The following ARHGAP32 variants were observed in gnomAD, a reference collection of about 807,000 sequenced individuals.
ARHGAP32 encodes the protein Rho GTPase activating protein 32.
In ARHGAP32, 51 loss-of-function variants were observed where a neutral mutation model predicts 186.5. The observed-to-expected ratio is 0.27, with a 90% CI of 0.22 to 0.35. ARHGAP32 has a LOEUF of 0.35. Ranked by LOEUF, ARHGAP32 falls within the 10% of genes least tolerant of loss-of-function variation. The pLI, the probability that ARHGAP32 is intolerant of heterozygous loss-of-function variation, is 1.00. For synonymous variants in ARHGAP32, 950 were observed against 964.3 expected, an observed-to-expected ratio of 0.99 and a Z score of 0.27; for missense variants, 2,186 against 2,623.5, an observed-to-expected ratio of 0.83 and a Z score of 3.64.
chr11:129,025,095 A>G (rs781057036), intron 11 of ARHGAP32, among the ~76,000 whole-genome samples: 2 of 152,172 alleles, frequency 1.3e-5, no homozygotes, highest in Admixed American at 6.5e-5. Flanking sequence ...ATGTTATAGC[A>G]CTTACTATGT....
At chr11:129,148,012 A>G (rs1565444394) in intron 2 of ARHGAP32, among the ~76,000 whole-genome samples, 1 of 152,188 alleles carries the variant, frequency 6.6e-6, no homozygotes, top group African/African-American at 2.4e-5. Context: ...AAATAAAACT[A>G]TTTCCCATCT....
At position 129,058,217 on chromosome 11, in the gene ARHGAP32, ACACACT is replaced by A. The variant is rs1460331204; in HGVS notation, c.963+4057_963+4062del. On this transcript the variant is annotated intron_variant, in intron 10 of 22. Transcript: ENST00000682385. The stretch of plus-strand genomic sequence containing the variant: ...CACACACACACACACACACACACAC[ACACACT>A]CTCTCTCTCTCTCTCTATATATATA... 6.2e-3 allele frequency among the ~76,000 whole-genome samples: 600 copies of A among 97,476 alleles called. 5 individuals are homozygous for A. Among genetic ancestry groups the A allele is most frequent in the African/African-American group, 0.019 (551 of 28,340 alleles). The allele number at this position is 97,476 out of a possible 152,430, so 63.9% of individuals were successfully genotyped here.
At position 129,233,424 on chromosome 11, in the gene ARHGAP32, A is replaced by G. The variant is rs190331667; in HGVS notation, c.-5+45722T>C. ...CACAGCAGGCGATACAAAATGACAA[A>G]AATTCTAATACACAATTGGTGTGAA... On this transcript the variant is annotated intron_variant, in intron 1 of 6. Transcript: ENST00000525234. Among the ~76,000 whole-genome samples the G allele has an allele frequency of 2.4e-3, 365 of 152,298 alleles. 2 individuals carry two copies. In the South Asian group the frequency reaches 0.034, roughly 14 times the overall value.
At chr11:129,232,160 T>A (rs1565475085) in intron 1 of ARHGAP32, among the ~76,000 whole-genome samples, 1 of 151,908 alleles carries the variant, frequency 6.6e-6, no homozygotes, top group Non-Finnish European at 1.5e-5. Flanking sequence ...TTTGTATTAA[T>A]CTTGGTCCCA....
intron 1 of ARHGAP32, among the ~76,000 whole-genome samples, chr11:129,230,086 T>A (rs1315968803): frequency 6.6e-6 from 1 of 152,096 alleles, no homozygotes; most frequent in Non-Finnish European, 1.5e-5. Flanking sequence ...AAGTGCTGAT[T>A]ACAAGCACGA....
At chr11:128,997,281 A>T (rs530843246) in intron 12 of ARHGAP32, among the ~76,000 whole-genome samples, 25 of 152,230 alleles carry the variant, frequency 1.6e-4, no homozygotes, top group Middle Eastern at 3.4e-3. Context: ...TTTGGGAATA[A>T]CATCTGTTTG....
At chr11:129,265,002 T>C (rs1448095172) in intron 1 of ARHGAP32, among the ~76,000 whole-genome samples, 1 of 152,188 alleles carries the variant, frequency 6.6e-6, no homozygotes, top group Non-Finnish European at 1.5e-5. Context: ...AAAGTTATCA[T>C]AAAAATCAGC....
chr11:129,064,899 C>T lies in ARHGAP32; in HGVS notation c.704G>A (p.Arg235His), dbSNP rs377461049. Residue 235 changes from arginine to histidine, a missense_variant, in exon 8 of 23, where the codon CGC becomes CAC. Around this residue, in one of 5 missense-constraint regions of ARHGAP32, gnomAD observed 308 missense variants for 596.5 expected, o/e 0.52. Transcript: ENST00000682385. ...VTQMLMAYLSRLSAIAGNKIN... is the reference protein window; with the variant it reads ...VTQMLMAYLSHLSAIAGNKIN... ...CTTGTTGCCAGCGATAGCTGAAAGG[C>T]GTGACAGGTAAGCCATAAGCATCTG... 11 of 1,596,628 alleles carry T rather than the reference C, an allele frequency of 6.9e-6. No homozygotes were observed. Among genetic ancestry groups the T allele is most frequent in the Admixed American group, 1.7e-5 (1 of 57,952 alleles).
intron 10 of ARHGAP32, among the ~76,000 whole-genome samples, chr11:129,051,906 G>A (rs1257035257): frequency 7.5e-6 from 1 of 133,988 alleles, no homozygotes; most frequent in Non-Finnish European, 1.5e-5. Context: ...AGTGAGCCGA[G>A]ATTGGGCCAC....
chr11:129,170,224 A>G (rs1455223169), intron 1 of ARHGAP32, among the ~76,000 whole-genome samples: 1 of 151,698 alleles, frequency 6.6e-6, no homozygotes, highest in Non-Finnish European at 1.5e-5. Flanking sequence ...AAAAAAAAAA[A>G]ACGGGATACA....
intron 1 of ARHGAP32, among the ~76,000 whole-genome samples, chr11:129,197,581 G>A (rs1217262649): frequency 6.6e-6 from 1 of 152,062 alleles, no homozygotes; most frequent in African/African-American, 2.4e-5. Context: ...TATTCTAAAT[G>A]TGAATAATGT....
intron 3 of ARHGAP32, among the ~76,000 whole-genome samples, chr11:129,124,542 G>C (rs1355610187): frequency 6.6e-6 from 1 of 152,086 alleles, no homozygotes; most frequent in African/African-American, 2.4e-5. Flanking sequence ...AGAATGACAT[G>C]GTTAGACTGT....
At chr11:128,979,742 T>C (rs1435392149) in intron 18 of ARHGAP32, among the ~76,000 whole-genome samples, 2 of 152,336 alleles carry the variant, frequency 1.3e-5, no homozygotes, top group East Asian at 1.9e-4. Flanking sequence ...TCTAAAGTTA[T>C]ATTAGTACTA....
intron 2 of ARHGAP32, among the ~76,000 whole-genome samples, chr11:129,162,329 A>G (rs1474106705): frequency 6.6e-6 from 1 of 152,158 alleles, no homozygotes; most frequent in Non-Finnish European, 1.5e-5. Context: ...ACACATAATA[A>G]TATTTTTAAA....
At chr11:129,197,597 CTGTG>C (rs1303703255) in intron 1 of ARHGAP32, among the ~76,000 whole-genome samples, 1 of 151,974 alleles carries the variant, frequency 6.6e-6, no homozygotes, top group East Asian at 1.9e-4. Context: ...AATGTGTGCT[CTGTG>C]TAATATATAT....
intron 21 of ARHGAP32, 81 bp downstream of exon 21, chr11:128,974,043 C>T: frequency 6.7e-7 from 1 of 1,503,342 alleles, no homozygotes; most frequent in Non-Finnish European, 9.0e-7. Flanking sequence ...GGACAAATTT[C>T]TCTCTTAAAA....
intron 1 of ARHGAP32, among the ~76,000 whole-genome samples, chr11:129,183,808 G>C (rs929143433): frequency 1.3e-5 from 2 of 152,026 alleles, no homozygotes; most frequent in African/African-American, 4.8e-5. Flanking sequence ...CTGCCTCAGT[G>C]AATGTTCCCT....
chr11:128,973,871 T>C (rs1945466762), intron 21 of ARHGAP32: 2 of 543,464 alleles, frequency 3.7e-6, no homozygotes, highest in South Asian at 6.1e-5. Flanking sequence ...GCAAAAATTA[T>C]CCACGAATTC....
At chr11:129,215,998 AAC>A (rs1944639773) in intron 1 of ARHGAP32, among the ~76,000 whole-genome samples, 1 of 152,148 alleles carries the variant, frequency 6.6e-6, no homozygotes. Context: ...GCGATGTGAA[AAC>A]AGAGGCAGAA....
Sources: allele counts gnomAD v4.1 joint callset (sites outside exome capture counted in the v4.1 genomes callset), GRCh38; gene constraint gnomAD v4.1.1; regional missense constraint gnomAD v4.1.1; transcripts MANE v1.5; gene names NCBI Gene and HGNC (gene_info 2026-07-23, HGNC 2026-07-21).